Variants in SORL1 observed in about 807,000 individuals in gnomAD.
The protein encoded by SORL1 is sortilin-related receptor.
SORL1 carries 127 observed loss-of-function variants against 273.7 expected under a neutral mutation model. That is an observed-to-expected ratio of 0.46 (90% confidence interval 0.40 to 0.54). SORL1 has a LOEUF of 0.54. Among genes scored for constraint, SORL1 ranks in the 20% least tolerant of loss-of-function variants. The pLI, the probability that SORL1 is intolerant of heterozygous loss-of-function variation, is 0.00. For synonymous variants in SORL1, 1,031 were observed against 1,067.4 expected (o/e 0.97, Z 0.66); for missense variants, 2,494 against 2,846.1 (o/e 0.88, Z 2.81).
chr11:121,580,973 T>A (rs542433049), intron 25 of SORL1, among the ~76,000 whole-genome samples: 1 of 149,962 alleles, frequency 6.7e-6, no homozygotes, highest in Non-Finnish European at 1.5e-5. Context: ...AGTACAGTGG[T>A]GCGATCTTGG....
At chr11:121,621,320 C>T (rs1863721180) in intron 44 of SORL1, 82 bp downstream of exon 44, 14 of 1,276,626 alleles carry the variant, frequency 1.1e-5, no homozygotes, top group Non-Finnish European at 1.5e-5. Flanking sequence ...ACAGACTTTT[C>T]ATTAGGCGTT....
intron 2 of SORL1, among the ~76,000 whole-genome samples, chr11:121,474,295 A>G (rs891192043): frequency 1.4e-5 from 2 of 146,508 alleles, no homozygotes; most frequent in African/African-American, 2.5e-5. Context: ...TTGAATCAGA[A>G]CCTGCACTTG....
intron 11 of SORL1, among the ~76,000 whole-genome samples, chr11:121,529,203 C>A (rs1037201335): frequency 1.3e-5 from 2 of 152,090 alleles, no homozygotes; most frequent in African/African-American, 4.8e-5. Context: ...TAGCCTTCTT[C>A]TGTTTACTAT....
intron 11 of SORL1, among the ~76,000 whole-genome samples, chr11:121,528,489 T>G (rs747183829): frequency 6.6e-6 from 1 of 152,072 alleles, no homozygotes; most frequent in Admixed American, 6.6e-5. Flanking sequence ...AAAATTGAGA[T>G]GTAATTCACA....
intron 9 of SORL1, 119 bp from the exon 10 acceptor site, chr11:121,522,467 C>T: frequency 1.3e-6 from 1 of 754,584 alleles, no homozygotes; most frequent in South Asian, 1.5e-5. Flanking sequence ...CTGGTTTCCC[C>T]TGGGCCAGGC....
At chr11:121,462,639 C>T (rs1052213175) in intron 1 of SORL1, among the ~76,000 whole-genome samples, 1 of 152,186 alleles carries the variant, frequency 6.6e-6, no homozygotes, top group Non-Finnish European at 1.5e-5. Context: ...GGCTGGAGTG[C>T]AGTGGCATGA....
At chr11:121,507,435 T>C (rs186128381) in intron 6 of SORL1, among the ~76,000 whole-genome samples, 41 of 152,276 alleles carry the variant, frequency 2.7e-4, no homozygotes, top group Non-Finnish European at 2.6e-4. Flanking sequence ...GTTTCCTGGG[T>C]CTTTTAGGCT....
At chr11:121,514,959 A>G (rs192245278) in intron 8 of SORL1, among the ~76,000 whole-genome samples, 17 of 152,216 alleles carry the variant, frequency 1.1e-4, no homozygotes, top group African/African-American at 2.2e-4. Context: ...TCGTTTGACA[A>G]CCAGACTTGT....
intron 6 of SORL1, among the ~76,000 whole-genome samples, chr11:121,502,295 C>A (rs1466016967): frequency 6.6e-6 from 1 of 151,786 alleles, no homozygotes; most frequent in African/African-American, 2.4e-5. Context: ...GCCGCCACAC[C>A]TGGCTAATTT....
intron 23 of SORL1, among the ~76,000 whole-genome samples, chr11:121,573,771 G>A (rs1324025753): frequency 6.6e-6 from 1 of 152,210 alleles, no homozygotes; most frequent in East Asian, 1.9e-4. Flanking sequence ...AGTCTTGACT[G>A]ACTGCAGACA....
At chr11:121,544,603 C>T (rs10502262) in intron 13 of SORL1, among the ~76,000 whole-genome samples, 30,618 of 152,144 alleles carry the variant, frequency 0.2, 3,630 homozygotes, top group Middle Eastern at 0.29. Flanking sequence ...GTATCAGCTT[C>T]GGGTAGTATC....
intron 23 of SORL1, among the ~76,000 whole-genome samples, chr11:121,571,720 A>G (rs1041465225): frequency 3.3e-5 from 5 of 152,222 alleles, no homozygotes; most frequent in African/African-American, 4.8e-5. Flanking sequence ...GGGCCCTGCA[A>G]TCCTATAGAC....
intron 6 of SORL1, among the ~76,000 whole-genome samples, chr11:121,512,186 A>T (rs561280106): frequency 6.6e-6 from 1 of 152,246 alleles, no homozygotes; most frequent in Admixed American, 6.5e-5. Flanking sequence ...AAAAATTTGC[A>T]TATATGTTTA....
intron 11 of SORL1, among the ~76,000 whole-genome samples, chr11:121,530,325 G>A (rs926397410): frequency 4.0e-5 from 6 of 151,822 alleles, no homozygotes; most frequent in African/African-American, 2.4e-5. Flanking sequence ...TTCCTGTAGC[G>A]AGATCTGTTG....
chr11:121,457,975 G>A (rs1314918273), intron 1 of SORL1, among the ~76,000 whole-genome samples: 1 of 152,122 alleles, frequency 6.6e-6, no homozygotes, highest in Non-Finnish European at 1.5e-5. Flanking sequence ...GTCAGATTTT[G>A]GTCTGTTCCT....
chr11:121,523,033 A>G (rs548680651), intron 11 of SORL1, 44 bp downstream of exon 11: 1 of 1,297,436 alleles, frequency 7.7e-7, no homozygotes, highest in East Asian at 2.3e-5. Context: ...CCTCATTCCC[A>G]TTTGTGTGAG....
At chr11:121,541,097 T>C (rs1348782940) in intron 12 of SORL1, among the ~76,000 whole-genome samples, 3 of 152,248 alleles carry the variant, frequency 2.0e-5, no homozygotes, top group African/African-American at 7.2e-5. Context: ...TTTCTCCCCT[T>C]GTGAGAGATT....
chr11:121,597,556 A>G (rs1417796893), intron 32 of SORL1, among the ~76,000 whole-genome samples: 1 of 150,492 alleles, frequency 6.6e-6, no homozygotes, highest in African/African-American at 2.5e-5. Flanking sequence ...CCGCCTTTCG[A>G]GCTCAAGTGA....
chr11:121,534,945 C>G (rs1479916584), intron 12 of SORL1, among the ~76,000 whole-genome samples: 2 of 152,204 alleles, frequency 1.3e-5, no homozygotes, highest in African/African-American at 4.8e-5. Context: ...ATGTTAGTTA[C>G]CTTTACATGA....
Sources: allele counts gnomAD v4.1 joint callset (sites outside exome capture counted in the v4.1 genomes callset), GRCh38; gene constraint gnomAD v4.1.1; transcripts MANE v1.5; gene names NCBI Gene and HGNC (gene_info 2026-07-23, HGNC 2026-07-21).